Variants in BCL2L15 observed in about 807,000 individuals in gnomAD.
BCL2L15 encodes the protein BCL2 like 15.
In BCL2L15, 15 loss-of-function variants were observed where a neutral mutation model predicts 18.3. The observed-to-expected ratio is 0.82, with a 90% CI of 0.55 to 1.26. The LOEUF is 1.26. BCL2L15 is among the 50% of genes most tolerant of loss of function. The pLI is 0.00. For synonymous variants in BCL2L15, 58 were observed against 68.5 expected, an observed-to-expected ratio of 0.85 and a Z score of 0.76; for missense variants, 180 against 201.7, an observed-to-expected ratio of 0.89 and a Z score of 0.65.
rs768208657 is a variant in BCL2L15 at position 113,887,382 on chromosome 1, T to C, written c.-7A>G. On this transcript the variant is annotated 5_prime_UTR_variant, in exon 1 of 4. Transcript: ENST00000393316. ...AAGTTTGGGAGCTCTTCATTTTAGA[T>C]GTTTGCTGTCAAGTTTTGCTTTTCC... The C allele has an allele frequency of 2.3e-5, 37 of 1,613,982 alleles. No homozygotes were observed. The highest frequency in any genetic ancestry group is 1.6e-4 in the Middle Eastern group (1 of 6,084).
chr1:113,882,635 A>T (rs1403476610), intron 2 of BCL2L15, among the ~76,000 whole-genome samples: 1 of 151,566 alleles, frequency 6.6e-6, no homozygotes, highest in Non-Finnish European at 1.5e-5. Context: ...ACAGAGCGAG[A>T]CTCCATCTCA....
At position 113,881,807 on chromosome 1, in the gene BCL2L15, G is replaced by C. The variant is rs1210223064; in HGVS notation, c.440C>G (p.Ala147Gly). 1 of 1,614,028 alleles carries C rather than the reference G, an allele frequency of 6.2e-7. No individual in the cohort carries two copies. Among genetic ancestry groups the C allele is most frequent in the Non-Finnish European group, 8.5e-7 (1 of 1,180,026 alleles). The change falls in exon 3 of 4, where the codon GCC becomes GGC. Residue 147 changes from alanine to glycine, a missense_variant. By Grantham distance (60) the Ala-to-Gly change is moderately conservative (BLOSUM62 0). Coordinates refer to ENST00000393316, the MANE Select transcript of BCL2L15 (RefSeq NM_001010922.3). ...CTGGCCCTGGATGAACTCCCGGATGGCTTGGTTCCCATTGATCATACCCGT... is the reference window on the plus strand; with the variant it reads ...CTGGCCCTGGATGAACTCCCGGATGCCTTGGTTCCCATTGATCATACCCGT... ...PMTGMINGNQ[A>G]IREFIQGQGG...
At position 113,887,255 on chromosome 1, in the gene BCL2L15, C is replaced by G; in HGVS notation, c.121G>C (p.Asp41His). ...SRNLCCVDEV[D>H]SGEPCSFDVA... ...CCTAGGGCAGGAACCTTACCTGAAT[C>G]TACTTCATCTACACAGCATAGGTTC... Residue 41 changes from aspartate to histidine, a missense_variant, in exon 1 of 4, where the codon GAT (aspartate) becomes CAT (histidine). Transcript: ENST00000393316. The G allele has an allele frequency of 6.2e-7, 1 of 1,614,072 alleles. No individual in the cohort carries two copies. Among genetic ancestry groups the G allele is most frequent in the Non-Finnish European group, 8.5e-7 (1 of 1,179,948 alleles).
chr1:113,882,041 A>G (rs1192943170), intron 2 of BCL2L15, 44 bp from the exon 3 acceptor site: 3 of 1,534,176 alleles, frequency 2.0e-6, no homozygotes, highest in Admixed American at 3.6e-5. Context: ...TCACTCAAAA[A>G]GTGCAGGAGG....
At chr1:113,881,280 T>C in intron 3 of BCL2L15, 140 bp from the exon 4 acceptor site, 1 of 1,312,574 alleles carries the variant, frequency 7.6e-7, no homozygotes, top group Non-Finnish European at 1.1e-6. Context: ...TGGAAAGGAG[T>C]GCTCTATGAC....
Position 113,887,430 on chromosome 1 carries a change from C to T in BCL2L15, c.-55G>A. Reference sequence around the variant, plus strand: ...TCCACGAAACAAGCAGTTTTCAGCCCAGCAGGAAGTTAAAAACACTGGTAA... The same window carrying T: ...TCCACGAAACAAGCAGTTTTCAGCCTAGCAGGAAGTTAAAAACACTGGTAA... On this transcript the variant is annotated 5_prime_UTR_variant, in exon 1 of 4. Coordinates refer to ENST00000393316, the MANE Select transcript of BCL2L15 (RefSeq NM_001010922.3). The T allele has an allele frequency of 6.2e-7, 1 of 1,610,506 alleles. No homozygotes were observed. Among genetic ancestry groups the T allele is most frequent in the Non-Finnish European group, 8.5e-7 (1 of 1,177,828 alleles).
chr1:113,881,561 A>G, intron 3 of BCL2L15: 2 of 1,406,440 alleles, frequency 1.4e-6, no homozygotes, highest in Non-Finnish European at 1.9e-6. Context: ...TCAATATTTA[A>G]GGTAGCATGA....
In BCL2L15 at chr1:113,877,784, A is replaced by C. The variant is rs1009610822; in HGVS notation, c.*3339T>G. On this transcript the variant is annotated 3_prime_UTR_variant, in exon 4 of 4. Coordinates refer to ENST00000393316, the MANE Select transcript of BCL2L15 (RefSeq NM_001010922.3). ...ATTAATAGTCCAGGCAGTTGCTAAT[A>C]AATCTGGTAGAAGAACCAGGACAAA... Among the ~76,000 whole-genome samples the C allele has an allele frequency of 6.6e-6, 1 of 152,238 alleles. No individual in the cohort carries two copies. Among genetic ancestry groups the C allele is most frequent in the Non-Finnish European group, 1.5e-5 (1 of 68,032 alleles).
At chr1:113,883,847 A>G (rs1364390188) in intron 2 of BCL2L15, among the ~76,000 whole-genome samples, 1 of 152,166 alleles carries the variant, frequency 6.6e-6, no homozygotes, top group Non-Finnish European at 1.5e-5. Flanking sequence ...CTAGGGAAGT[A>G]TAAGATATTC....
intron 2 of BCL2L15, among the ~76,000 whole-genome samples, chr1:113,883,265 G>A (rs1308654792): frequency 3.3e-5 from 5 of 152,132 alleles, no homozygotes; most frequent in East Asian, 1.9e-4. Context: ...GGCAGATCAC[G>A]AGGTCAGGAG....
chr1:113,881,777 C>A lies in BCL2L15; in HGVS notation c.470G>T (p.Gly157Val), dbSNP rs1666883896. 1 of 1,613,086 alleles carries A rather than the reference C, an allele frequency of 6.2e-7. No homozygotes were observed. Among genetic ancestry groups the A allele is most frequent in the Non-Finnish European group, 8.5e-7 (1 of 1,179,260 alleles). Residue 157 changes from glycine (G) to valine (V), a missense_variant, in exon 3 of 4, where the codon GGT becomes GTT. Coordinates refer to ENST00000393316, the MANE Select transcript of BCL2L15 (RefSeq NM_001010922.3). Reference protein sequence around the residue: ...AIREFIQGQGGWENLES With the variant: ...AIREFIQGQGVWENLES ...CAGGAGCCCCAACAAACTTACCCAA[C>A]CTCCCTGGCCCTGGATGAACTCCCG... is the stretch of plus-strand genomic sequence containing the variant.
chr1:113,886,674 C>G lies in BCL2L15; in HGVS notation c.128-16G>C. The G allele has an allele frequency of 6.3e-7, 1 of 1,587,466 alleles. No homozygotes were observed. Among genetic ancestry groups the G allele is most frequent in the East Asian group, 2.2e-5 (1 of 44,634 alleles). On this transcript the variant is annotated splice_polypyrimidine_tract_variant and intron_variant, in intron 1 of 3. Coordinates refer to ENST00000393316, the MANE Select transcript of BCL2L15 (RefSeq NM_001010922.3). ...CAAGGCTCTCCTATGACAGAGGGAA[C>G]ACATTTGTTACAATGCTTGAAGCAA...
Position 113,880,423 on chromosome 1 carries a change from C to T in BCL2L15, c.*700G>A, listed in dbSNP as rs112739089. On this transcript the variant is annotated 3_prime_UTR_variant, in exon 4 of 4. Transcript: ENST00000393316. ...GGGCGAATCACGAGGTCAGGAGATC[C>T]AGACCATCCTGGCTAACACGGCGAA... The T allele has an allele frequency of 6.6e-6, 1 of 152,202 alleles. No individual in the cohort carries two copies. Among genetic ancestry groups the T allele is most frequent in the African/African-American group, 2.4e-5 (1 of 41,388 alleles). 9.4% of individuals were successfully genotyped at this position (152,202 alleles called of 1,614,324 possible).
At chr1:113,881,516 T>C in intron 3 of BCL2L15, 4 of 1,367,588 alleles carry the variant, frequency 2.9e-6, no homozygotes, top group Admixed American at 3.1e-5. Flanking sequence ...TGATTATGTG[T>C]AGGAAATGAA....
At chr1:113,886,956 G>A (rs939777721) in intron 1 of BCL2L15, among the ~76,000 whole-genome samples, 1 of 150,746 alleles carries the variant, frequency 6.6e-6, no homozygotes, top group Non-Finnish European at 1.5e-5. Context: ...GGAGTGCAGT[G>A]GCGTGATCTC....
At chr1:113,887,131 C>T in intron 1 of BCL2L15, 118 bp downstream of exon 1, 1 of 893,390 alleles carries the variant, frequency 1.1e-6, no homozygotes, top group Non-Finnish European at 1.7e-6. Flanking sequence ...CCCCTGACTT[C>T]AGGTGATCCA....
In BCL2L15 at chr1:113,877,495, C is replaced by CTT. The variant is rs1296145746; in HGVS notation, c.*3626_*3627dup. 1.3e-5 allele frequency among the ~76,000 whole-genome samples: 2 copies of CTT among 152,048 alleles called. No homozygotes were observed. The highest frequency in any genetic ancestry group is 2.9e-5 in the Non-Finnish European group (2 of 68,012). On this transcript the variant is annotated 3_prime_UTR_variant, in exon 4 of 4. Coordinates refer to ENST00000393316, the MANE Select transcript of BCL2L15 (RefSeq NM_001010922.3). ...CACACTCAAAAGTTCCACTGAAGGA[C>CTT]TTTAAGAGAATGGCATTCAAAGCAA...
In BCL2L15 at chr1:113,881,906, G is replaced by A. The variant is rs760620431; in HGVS notation, c.341C>T (p.Ala114Val). 11 of 1,614,048 alleles carry A rather than the reference G, an allele frequency of 6.8e-6. No homozygotes were observed. The African/African-American group carries it at 1.3e-4, about 20-fold the overall frequency. ...SSLAYERAFL[A>V]VSVKLLEYMA... is the part of the protein sequence containing the mutation. ...GTACTCAAGAAGTTTCACTGACACTGCCAGAAAAGCTCTCTCATAAGCTAA... is the reference window on the plus strand; with the variant it reads ...GTACTCAAGAAGTTTCACTGACACTACCAGAAAAGCTCTCTCATAAGCTAA... Residue 114 changes from alanine (A) to valine (V), a missense_variant, in exon 3 of 4, where the codon GCA becomes GTA. Physicochemically the swap from Ala to Val is moderately conservative, Grantham distance 64. Coordinates refer to ENST00000393316, the MANE Select transcript of BCL2L15 (RefSeq NM_001010922.3).
intron 2 of BCL2L15, among the ~76,000 whole-genome samples, chr1:113,885,570 G>C (rs938146880): frequency 1.3e-5 from 2 of 151,868 alleles, no homozygotes; most frequent in Middle Eastern, 3.2e-3. Context: ...TACAGGCATG[G>C]GCCATCACAC....
Sources: allele counts gnomAD v4.1 joint callset (sites outside exome capture counted in the v4.1 genomes callset), GRCh38; gene constraint gnomAD v4.1.1; transcripts MANE v1.5; gene names NCBI Gene and HGNC (gene_info 2026-07-23, HGNC 2026-07-21).